Variants in ADAM2 observed in about 807,000 individuals in gnomAD.
The protein encoded by ADAM2 is disintegrin and metalloproteinase domain-containing protein 2.
Under a neutral mutation model 99.3 loss-of-function variants are expected in ADAM2, and 101 were observed. The ratio of observed to expected loss-of-function variants is 1.02; its 90% CI spans 0.87 to 1.20. The LOEUF (loss-of-function observed/expected upper bound fraction) is 1.20, where lower values mean the gene tolerates loss of function less well. Ranked by LOEUF, ADAM2 falls within the 50% of genes most tolerant of loss-of-function variation. ADAM2 has a pLI of 0.00. For synonymous variants in ADAM2, 323 were observed against 287.6 expected (o/e 1.12, Z -1.25); for missense variants, 948 against 878.7 (o/e 1.08, Z -1.00).
chr8:39,815,274 T>C (rs1586146425), intron 6 of ADAM2, among the ~76,000 whole-genome samples: 1 of 152,148 alleles, frequency 6.6e-6, no homozygotes, highest in Non-Finnish European at 1.5e-5. Flanking sequence ...GGAGATATGA[T>C]TATGTTCGTA....
chr8:39,775,420 C>A (rs760375759), intron 11 of ADAM2, among the ~76,000 whole-genome samples: 1 of 152,002 alleles, frequency 6.6e-6, no homozygotes, highest in African/African-American at 2.4e-5. Context: ...AGTATCCAAG[C>A]TATTTGCCAC....
intron 16 of ADAM2, among the ~76,000 whole-genome samples, chr8:39,753,831 T>TCACA (rs902089365): frequency 4.6e-5 from 5 of 108,884 alleles, no homozygotes; most frequent in Admixed American, 2.8e-4. Flanking sequence ...ACACACACAC[T>TCACA]CACACACACA....
At chr8:39,756,402 T>C (rs528673468) in intron 15 of ADAM2, among the ~76,000 whole-genome samples, 3 of 152,300 alleles carry the variant, frequency 2.0e-5, no homozygotes, top group Non-Finnish European at 2.9e-5. Context: ...AGGTAGTATG[T>C]CCTACAGATT....
Position 39,744,838 on chromosome 8 carries a change from C to T in ADAM2, c.*22G>A. 4.4e-6 allele frequency: 7 copies of T among 1,585,220 alleles called. No homozygotes were observed. The highest frequency in any genetic ancestry group is 1.7e-4 in the Middle Eastern group (1 of 5,776). On this transcript the variant is annotated 3_prime_UTR_variant, in exon 20 of 21. Transcript: ENST00000265708. Reference sequence around the variant, plus strand: ...AAATGAAAGAAACTCACAGTGATATCATGGCATCTCTGTTGTCCAGACTAC... The same window carrying T: ...AAATGAAAGAAACTCACAGTGATATTATGGCATCTCTGTTGTCCAGACTAC...
At chr8:39,751,675 C>G (rs1443692109) in intron 16 of ADAM2, among the ~76,000 whole-genome samples, 1 of 152,014 alleles carries the variant, frequency 6.6e-6, no homozygotes, top group Non-Finnish European at 1.5e-5. Flanking sequence ...AAAAACAATT[C>G]TTTTTTATTC....
At chr8:39,792,610 A>G (rs988167236) in intron 7 of ADAM2, among the ~76,000 whole-genome samples, 1 of 151,914 alleles carries the variant, frequency 6.6e-6, no homozygotes, top group Non-Finnish European at 1.5e-5. Context: ...TTCTTTAACC[A>G]CCTTTATATC....
chr8:39,809,345 C>T, intron 7 of ADAM2, 65 bp downstream of exon 7: 1 of 714,660 alleles, frequency 1.4e-6, no homozygotes, highest in Non-Finnish European at 2.4e-6. Flanking sequence ...AAATATATTC[C>T]AAATTATTAT....
chr8:39,819,838 A>C (rs1199055751), intron 6 of ADAM2, among the ~76,000 whole-genome samples: 1 of 144,668 alleles, frequency 6.9e-6, no homozygotes, highest in African/African-American at 2.6e-5. Context: ...TATGTACACA[A>C]ACACACACAT....
intron 9 of ADAM2, among the ~76,000 whole-genome samples, chr8:39,787,361 A>G (rs1803507582): frequency 1.3e-5 from 2 of 151,614 alleles, no homozygotes; most frequent in South Asian, 4.1e-4. Flanking sequence ...ATTCCTTAAA[A>G]GTAAAAAGCT....
chr8:39,756,902 A>C (rs2300661), intron 15 of ADAM2, among the ~76,000 whole-genome samples: 116,360 of 152,136 alleles, frequency 0.76, 44,977 homozygotes, highest in African/African-American at 0.88. Flanking sequence ...TAGATCATGT[A>C]TGAACACAGA....
At chr8:39,754,831 A>T (rs1586049862) in intron 16 of ADAM2, among the ~76,000 whole-genome samples, 1 of 152,182 alleles carries the variant, frequency 6.6e-6, no homozygotes, top group Non-Finnish European at 1.5e-5. Flanking sequence ...CATATTTCAT[A>T]TAATAAAAAA....
chr8:39,807,362 CT>C (rs1804483135), intron 7 of ADAM2, among the ~76,000 whole-genome samples: 1 of 152,104 alleles, frequency 6.6e-6, no homozygotes, highest in Admixed American at 6.6e-5. Flanking sequence ...TTAGATGAGA[CT>C]TTGGACTTTA....
At chr8:39,789,885 A>G (rs1213241930) in intron 7 of ADAM2, among the ~76,000 whole-genome samples, 2 of 151,884 alleles carry the variant, frequency 1.3e-5, no homozygotes, top group Non-Finnish European at 2.9e-5. Flanking sequence ...AATAATGTGA[A>G]TAGACATTTC....
intron 6 of ADAM2, among the ~76,000 whole-genome samples, chr8:39,815,142 T>C (rs937240034): frequency 2.7e-4 from 41 of 152,090 alleles, no homozygotes; most frequent in Non-Finnish European, 3.4e-4. Flanking sequence ...GTTAATGAGC[T>C]GTCAGGATGG....
intron 6 of ADAM2, among the ~76,000 whole-genome samples, chr8:39,814,267 G>C (rs578248392): frequency 2.0e-5 from 3 of 152,030 alleles, no homozygotes; most frequent in Non-Finnish European, 1.5e-5. Context: ...GCTGAGGCAG[G>C]AGAATCGCTT....
rs143791705 is a variant in ADAM2, at chr8:39,824,508, G to A, written c.267+311C>T. Among the ~76,000 whole-genome samples, 11 of 152,126 alleles carry A rather than the reference G, an allele frequency of 7.2e-5. No homozygotes were observed. In the East Asian group the frequency reaches 2.1e-3, roughly 29 times the overall value. On this transcript the variant is annotated intron_variant, in intron 4 of 20. Transcript: ENST00000265708. ...GATTCTTATTTTCTCCTCAGATTTA[G>A]CTTTCCTGATACAAGTCATGGTTTT...
chr8:39,826,275 A>G (rs558710788), intron 3 of ADAM2, among the ~76,000 whole-genome samples: 87 of 152,342 alleles, frequency 5.7e-4, no homozygotes, highest in Admixed American at 5.0e-3. Flanking sequence ...GATATAAGAG[A>G]AATAAAACAA....
chr8:39,803,749 TG>T (rs1473866478), intron 7 of ADAM2, among the ~76,000 whole-genome samples: 3 of 152,158 alleles, frequency 2.0e-5, no homozygotes, highest in Non-Finnish European at 4.4e-5. Context: ...ATATTTGGAG[TG>T]GTACTGGGAT....
intron 10 of ADAM2, among the ~76,000 whole-genome samples, chr8:39,781,808 A>T (rs184973977): frequency 3.3e-5 from 5 of 152,204 alleles, no homozygotes; most frequent in Admixed American, 6.5e-5. Flanking sequence ...TTACACTACC[A>T]TTTTTGATGT....
Sources: allele counts gnomAD v4.1 joint callset (sites outside exome capture counted in the v4.1 genomes callset), GRCh38; gene constraint gnomAD v4.1.1; transcripts MANE v1.5; gene names NCBI Gene and HGNC (gene_info 2026-07-23, HGNC 2026-07-21).